Variants in RBFOX1 observed in about 807,000 individuals in gnomAD.
RBFOX1 encodes RNA binding fox-1 homolog 1, also known as RNA binding protein fox-1 homolog 1.
A neutral mutation model predicts 57.7 loss-of-function variants in RBFOX1; 8 were observed. That is an observed-to-expected ratio of 0.14 (90% CI 0.08 to 0.25). The LOEUF is 0.25. Among genes scored for constraint, RBFOX1 ranks in the 10% least tolerant of loss-of-function variants. The probability of loss-of-function intolerance (pLI) is 1.00; values close to 1 mark genes in which losing one functional copy is unlikely to be tolerated. For synonymous variants in RBFOX1, 326 were observed against 222.4 expected, an observed-to-expected ratio of 1.47 and a Z score of -4.15; for missense variants, 611 against 548.5, an observed-to-expected ratio of 1.11 and a Z score of -1.14.
intron 2 of RBFOX1, among the ~76,000 whole-genome samples, chr16:5,569,896 C>T (rs1211110665): frequency 6.6e-6 from 1 of 152,086 alleles, no homozygotes; most frequent in Admixed American, 6.6e-5. Context: ...AGATCCTAGT[C>T]AAAGAACAAG....
chr16:6,399,961 G>T (rs2093002428), intron 2 of RBFOX1, among the ~76,000 whole-genome samples: 1 of 152,192 alleles, frequency 6.6e-6, no homozygotes, highest in East Asian at 1.9e-4. Flanking sequence ...ACAGCATGAG[G>T]GTAGCCAGCC....
chr16:6,000,962 T>C (rs1040765433), intron 4 of RBFOX1, among the ~76,000 whole-genome samples: 1 of 151,450 alleles, frequency 6.6e-6, no homozygotes, highest in Admixed American at 6.6e-5. Flanking sequence ...AATGAGTGGG[T>C]AGATGAGTGG....
intron 2 of RBFOX1, among the ~76,000 whole-genome samples, chr16:6,629,357 T>C (rs571732143): frequency 3.0e-4 from 46 of 152,302 alleles, no homozygotes; most frequent in African/African-American, 9.9e-4. Flanking sequence ...GTGTTGCTCG[T>C]TTAATTGAGG....
intron 5 of RBFOX1, among the ~76,000 whole-genome samples, chr16:7,577,286 G>A (rs570101914): frequency 2.8e-4 from 42 of 152,168 alleles, no homozygotes; most frequent in African/African-American, 9.6e-4. Context: ...CTCTTGCTTT[G>A]CACAGTGTCC....
intron 4 of RBFOX1, among the ~76,000 whole-genome samples, chr16:7,512,403 A>T (rs2075330859): frequency 6.6e-6 from 1 of 152,244 alleles, no homozygotes; most frequent in Non-Finnish European, 1.5e-5. Flanking sequence ...GAAGGTGAAA[A>T]ATAATTCCAT....
intron 1 of RBFOX1, among the ~76,000 whole-genome samples, chr16:6,050,738 A>G (rs980672843): frequency 7.2e-5 from 11 of 152,056 alleles, no homozygotes; most frequent in African/African-American, 2.7e-4. Context: ...TAGGATAGTC[A>G]GGGGGTATAG....
chr16:5,683,542 A>T (rs972499831), intron 3 of RBFOX1, among the ~76,000 whole-genome samples: 3 of 150,986 alleles, frequency 2.0e-5, no homozygotes, highest in Non-Finnish European at 3.0e-5. Context: ...AGGCAGAAAA[A>T]CCTGAAAAGG....
chr16:7,629,489 C>A (rs1250433134), intron 10 of RBFOX1, among the ~76,000 whole-genome samples: 1 of 152,172 alleles, frequency 6.6e-6, no homozygotes, highest in Non-Finnish European at 1.5e-5. Context: ...CCAAATCAAA[C>A]TGGGGCGGTT....
rs116162475 is a variant in RBFOX1, at chr16:7,076,481, G to A, written c.27+24383G>A. On this transcript the variant is annotated intron_variant, in intron 4 of 15. Coordinates refer to ENST00000550418, the MANE Select transcript of RBFOX1 (RefSeq NM_018723.4). ...GGATATACCAGATTTCTTGGTGGAA[G>A]TGTAAAATATTTTCATATGCCTAAT... 4.5e-4 allele frequency among the ~76,000 whole-genome samples: 69 copies of A among 152,226 alleles called. 2 individuals carry two copies. The South Asian group carries it at 0.014, about 31-fold the overall frequency.
At chr16:6,030,155 TG>T (rs1408722544) in intron 1 of RBFOX1, among the ~76,000 whole-genome samples, 2 of 152,196 alleles carry the variant, frequency 1.3e-5, no homozygotes, top group African/African-American at 4.8e-5. Context: ...CTTGAACTCC[TG>T]GGGTCAAGCA....
intron 3 of RBFOX1, among the ~76,000 whole-genome samples, chr16:6,883,048 A>T (rs2063283785): frequency 1.3e-5 from 2 of 152,190 alleles, no homozygotes; most frequent in South Asian, 4.1e-4. Flanking sequence ...GTCTCCTGAC[A>T]TTGCTGTATT....
chr16:6,191,379 A>G (rs1236441441), intron 1 of RBFOX1, among the ~76,000 whole-genome samples: 2 of 152,028 alleles, frequency 1.3e-5, no homozygotes, highest in African/African-American at 2.4e-5. Flanking sequence ...ATGTCCTTTC[A>G]CTGGCAAGTG....
intron 2 of RBFOX1, among the ~76,000 whole-genome samples, chr16:5,583,813 G>T (rs1403477668): frequency 6.6e-6 from 1 of 152,212 alleles, no homozygotes; most frequent in East Asian, 1.9e-4. Context: ...AGCTGCTCAA[G>T]GTTATAAGTC....
downstream of RBFOX1, among the ~76,000 whole-genome samples, chr16:5,604,952 AT>A (rs1313648332): frequency 2.0e-5 from 3 of 152,200 alleles, no homozygotes; most frequent in Admixed American, 2.0e-4. Flanking sequence ...ACCTTTTGGA[AT>A]TTAGCAAAAG....
At chr16:7,017,146 G>C (rs1032997555) in intron 3 of RBFOX1, among the ~76,000 whole-genome samples, 2 of 152,148 alleles carry the variant, frequency 1.3e-5, no homozygotes, top group Admixed American at 1.3e-4. Context: ...CAAAACAGCT[G>C]TTAAGGTGCA....
chr16:7,710,043 C>T (rs1488701845), intron 15 of RBFOX1: 1 of 1,003,020 alleles, frequency 1.0e-6, no homozygotes, highest in Non-Finnish European at 1.2e-6. Context: ...GGACAGTTCA[C>T]TGAAGCTCAG....
intron 4 of RBFOX1, among the ~76,000 whole-genome samples, chr16:7,504,066 A>T (rs941436028): frequency 6.6e-6 from 1 of 152,182 alleles, no homozygotes; most frequent in Non-Finnish European, 1.5e-5. Flanking sequence ...TGATTATTTG[A>T]AAATAAAAAA....
chr16:6,828,150 G>C (rs2154282700), intron 3 of RBFOX1, among the ~76,000 whole-genome samples: 1 of 152,292 alleles, frequency 6.6e-6, no homozygotes, highest in East Asian at 1.9e-4. Context: ...GGCTTAAGGA[G>C]GAAGGCCAGT....
At chr16:6,607,525 A>G (rs115440744) in intron 2 of RBFOX1, among the ~76,000 whole-genome samples, 1,823 of 112,770 alleles carry the variant, frequency 0.016, 51 homozygotes, top group African/African-American at 0.058. Context: ...TCTCCTATCT[A>G]TCTCCTCTCC....
Sources: allele counts gnomAD v4.1 joint callset (sites outside exome capture counted in the v4.1 genomes callset), GRCh38; gene constraint gnomAD v4.1.1; transcripts MANE v1.5; gene names NCBI Gene and HGNC (gene_info 2026-07-23, HGNC 2026-07-21).